The following RTTN variants were observed in gnomAD, a reference collection of about 807,000 sequenced individuals.
RTTN encodes rotatin.
Under a neutral mutation model 269.2 loss-of-function variants are expected in RTTN, and 182 were observed. The observed-to-expected ratio is 0.68, with a 90% CI of 0.60 to 0.76. RTTN has a LOEUF of 0.76. Ranked by LOEUF, RTTN falls within the 30% of genes least tolerant of loss-of-function variation. RTTN has a pLI of 0.00. For missense variants in RTTN, 2,545 were observed against 2,608.6 expected (o/e 0.98, Z 0.53); for synonymous variants, 1,006 against 963.5 (o/e 1.04, Z -0.82).
At chr18:70,078,297 C>T (rs1488057378) in intron 32 of RTTN, among the ~76,000 whole-genome samples, 1 of 151,908 alleles carries the variant, frequency 6.6e-6, no homozygotes, top group Non-Finnish European at 1.5e-5. Flanking sequence ...TGGTAACTAA[C>T]CACACTATCA....
At chr18:70,197,519 A>T (rs2061840090) in intron 6 of RTTN, 105 bp downstream of exon 6, 8 of 710,280 alleles carry the variant, frequency 1.1e-5, no homozygotes, top group Non-Finnish European at 2.0e-5. Flanking sequence ...CTTTTTAAAA[A>T]CATGAGTACA....
At chr18:70,013,088 C>T (rs1055600464) in intron 46 of RTTN, among the ~76,000 whole-genome samples, 1 of 152,046 alleles carries the variant, frequency 6.6e-6, no homozygotes, top group Non-Finnish European at 1.5e-5. Context: ...TATCTGATGC[C>T]CTTTGGTTGT....
chr18:70,114,028 T>A (rs1192217036), intron 27 of RTTN, among the ~76,000 whole-genome samples: 1 of 152,184 alleles, frequency 6.6e-6, no homozygotes, highest in East Asian at 1.9e-4. Context: ...TTAAAATGGT[T>A]AAAATAGTGA....
chr18:70,176,239 GTATA>G (rs2061296374), intron 11 of RTTN, among the ~76,000 whole-genome samples: 1 of 145,486 alleles, frequency 6.9e-6, no homozygotes, highest in Non-Finnish European at 1.5e-5. Flanking sequence ...ATATGTATAT[GTATA>G]TGTATATGTA....
rs1021069711 is a variant in RTTN at position 70,087,916 on chromosome 18, G to A, written c.4302+73C>T. ...CAGTGGTCAGTCCACCATGTTGAGCGGCAGTCAAGTATCGCTTACGGATAC... is the reference window on the plus strand; with the variant it reads ...CAGTGGTCAGTCCACCATGTTGAGCAGCAGTCAAGTATCGCTTACGGATAC... On this transcript the variant is annotated intron_variant, in intron 31 of 48. Coordinates refer to ENST00000640769, the MANE Select transcript of RTTN (RefSeq NM_173630.4). 27 of 1,475,288 alleles carry A rather than the reference G, an allele frequency of 1.8e-5. No homozygotes were observed. In the African/African-American group the frequency reaches 2.1e-4, roughly 11 times the overall value. 91.4% of individuals were successfully genotyped at this position (1,475,288 alleles called of 1,614,324 possible).
chr18:70,061,196 C>A (rs1157288265), intron 35 of RTTN: 6 of 351,198 alleles, frequency 1.7e-5, no homozygotes, highest in East Asian at 7.5e-5. Flanking sequence ...TGGTTCCCAA[C>A]AACACTGTAT....
At chr18:70,169,496 A>G (rs1218219662) in intron 11 of RTTN, among the ~76,000 whole-genome samples, 1 of 152,206 alleles carries the variant, frequency 6.6e-6, no homozygotes, top group Non-Finnish European at 1.5e-5. Context: ...ATAGCTGAAC[A>G]TGACAGAGCT....
intron 34 of RTTN, among the ~76,000 whole-genome samples, chr18:70,072,858 T>C (rs965324311): frequency 6.6e-6 from 1 of 151,938 alleles, no homozygotes; most frequent in Non-Finnish European, 1.5e-5. Context: ...GTACACACTA[T>C]CTCCACCTTG....
chr18:70,128,717 T>C (rs1275361960), intron 23 of RTTN, 171 bp from the exon 24 acceptor site: 1 of 578,724 alleles, frequency 1.7e-6, no homozygotes, highest in Non-Finnish European at 3.1e-6. Context: ...ATTTCAATTA[T>C]TCTTTTCATC....
intron 33 of RTTN, 153 bp downstream of exon 33, chr18:70,075,199 A>G (rs1599403506): frequency 1.9e-6 from 1 of 538,114 alleles, no homozygotes; most frequent in East Asian, 3.4e-5. Context: ...AGAAGACGGG[A>G]AGAAAATACA....
rs146303937 is a variant in RTTN, at chr18:70,074,497, C to T, written c.4565-503G>A. On this transcript the variant is annotated intron_variant, in intron 33 of 48. Transcript: ENST00000640769. ...TAATAATTCGGGGATAAAGGAACTT[C>T]ATGTCTTCAACTTACTCTTAAATGG... Among the ~76,000 whole-genome samples the T allele has an allele frequency of 1.3e-3, 203 of 152,212 alleles. 2 individuals carry two copies. Among genetic ancestry groups the T allele is most frequent in the African/African-American group, 4.1e-3 (172 of 41,550 alleles).
At chr18:70,040,165 TA>T (rs1306428079) in intron 40 of RTTN, among the ~76,000 whole-genome samples, 1 of 151,962 alleles carries the variant, frequency 6.6e-6, no homozygotes, top group Non-Finnish European at 1.5e-5. Flanking sequence ...AACTCTACAA[TA>T]AAAACACACA....
chr18:70,159,978 C>T (rs1184239420), intron 14 of RTTN, among the ~76,000 whole-genome samples: 1 of 151,908 alleles, frequency 6.6e-6, no homozygotes, highest in Non-Finnish European at 1.5e-5. Context: ...CTGGGCCAGA[C>T]AAACTCACAG....
At chr18:70,053,886 T>C (rs1238928117) in intron 38 of RTTN, among the ~76,000 whole-genome samples, 1 of 152,224 alleles carries the variant, frequency 6.6e-6, no homozygotes. Context: ...CTTTCTAACA[T>C]CACACAGAGA....
At chr18:70,100,219 A>G (rs1235857050) in intron 28 of RTTN, among the ~76,000 whole-genome samples, 1 of 152,238 alleles carries the variant, frequency 6.6e-6, no homozygotes, top group Non-Finnish European at 1.5e-5. Flanking sequence ...CAAGCATGGA[A>G]TGTTCTTCCA....
intron 23 of RTTN, 62 bp downstream of exon 23, chr18:70,134,411 T>G: frequency 8.1e-7 from 1 of 1,237,162 alleles, no homozygotes; most frequent in East Asian, 2.4e-5. Flanking sequence ...TTATAGATTT[T>G]GATTTCCCTT....
chr18:70,139,000 G>GA (rs5825995), intron 21 of RTTN: 101,485 of 137,424 alleles, frequency 0.74, 42,053 homozygotes, highest in East Asian at 0.99. Flanking sequence ...TCTCCATTGA[G>GA]AAAAAAAAAA....
chr18:70,136,244 G>A (rs1193990018), intron 21 of RTTN, among the ~76,000 whole-genome samples: 1 of 151,970 alleles, frequency 6.6e-6, no homozygotes, highest in Non-Finnish European at 1.5e-5. Flanking sequence ...CAATGCCTTT[G>A]CCTGATTTCA....
chr18:70,142,703 G>T lies in RTTN; in HGVS notation c.2482-316C>A, dbSNP rs539947941. ...TTGACTTTTAATAATAGCCATTCTG[G>T]CCGGGTGCGATGGCTCACGCCTATA... On this transcript the variant is annotated intron_variant, in intron 18 of 48. Coordinates refer to ENST00000640769, the MANE Select transcript of RTTN (RefSeq NM_173630.4). Among the ~76,000 whole-genome samples the T allele has an allele frequency of 7.2e-5, 11 of 152,230 alleles. No homozygotes were observed. The South Asian group carries it at 1.2e-3, about 17-fold the overall frequency.
Sources: allele counts gnomAD v4.1 joint callset (sites outside exome capture counted in the v4.1 genomes callset), GRCh38; gene constraint gnomAD v4.1.1; transcripts MANE v1.5; gene names NCBI Gene and HGNC (gene_info 2026-07-23, HGNC 2026-07-21).